CADPS2: variants seen among roughly 807,000 people sequenced by gnomAD.
CADPS2 encodes calcium-dependent secretion activator 2.
A neutral mutation model predicts 172.5 loss-of-function variants in CADPS2; 93 were observed. The observed-to-expected ratio is 0.54, with a 90% confidence interval of 0.46 to 0.64. CADPS2 has a LOEUF of 0.64. Ranked by LOEUF, CADPS2 falls within the 30% of genes least tolerant of loss-of-function variation. The probability of loss-of-function intolerance (pLI) is 0.00; values close to 1 mark genes in which losing one functional copy is unlikely to be tolerated. For missense variants in CADPS2, 1,420 were observed against 1,565.9 expected (o/e 0.91, Z 1.57); for synonymous variants, 546 against 555.2 (o/e 0.98, Z 0.23).
chr7:122,851,171 G>A (rs1361945407), intron 1 of CADPS2, among the ~76,000 whole-genome samples: 1 of 152,198 alleles, frequency 6.6e-6, no homozygotes, highest in Non-Finnish European at 1.5e-5. Context: ...TAGGGAACAG[G>A]AGAAGGCAGG....
chr7:122,513,604 T>C (rs2060151560), intron 8 of CADPS2, among the ~76,000 whole-genome samples: 1 of 152,226 alleles, frequency 6.6e-6, no homozygotes, highest in Non-Finnish European at 1.5e-5. Flanking sequence ...GTAGGAATTT[T>C]ATTCTTACAT....
intron 5 of CADPS2, among the ~76,000 whole-genome samples, chr7:122,618,625 C>T (rs1047536411): frequency 2.0e-5 from 3 of 152,188 alleles, no homozygotes; most frequent in Admixed American, 2.0e-4. Context: ...CACTGGACCA[C>T]TTCTAAGCCT....
At position 122,655,444 on chromosome 7, in the gene CADPS2, A is replaced by G. The variant is rs562569431; in HGVS notation, c.786+7793T>C. 6.6e-5 allele frequency among the ~76,000 whole-genome samples: 10 copies of G among 152,284 alleles called. No individual in the cohort carries two copies. In the South Asian group the frequency reaches 2.1e-3, roughly 32 times the overall value. ...TCAAGGCGAGACCCTCTACCAGCAA[A>G]AAGATTATGACTTGCTGAAGGCTCA... On this transcript the variant is annotated intron_variant, in intron 3 of 29. Transcript: ENST00000449022.
chr7:122,661,545 T>C (rs1266810020), intron 3 of CADPS2, among the ~76,000 whole-genome samples: 1 of 152,142 alleles, frequency 6.6e-6, no homozygotes, highest in East Asian at 1.9e-4. Context: ...AAATAATCCA[T>C]AAGCTTTTCT....
chr7:122,605,900 T>TC (rs2073463068), intron 6 of CADPS2, among the ~76,000 whole-genome samples: 1 of 152,168 alleles, frequency 6.6e-6, no homozygotes, highest in Non-Finnish European at 1.5e-5. Flanking sequence ...GATTTTTTTT[T>TC]CTGTTGTAAG....
chr7:122,510,530 A>G (rs1158768403), intron 9 of CADPS2, among the ~76,000 whole-genome samples: 4 of 152,130 alleles, frequency 2.6e-5, no homozygotes, highest in South Asian at 2.1e-4. Flanking sequence ...CTCTCAATCA[A>G]TTTTTATGAG....
chr7:122,499,273 A>C (rs997554174), intron 9 of CADPS2, among the ~76,000 whole-genome samples: 3 of 152,190 alleles, frequency 2.0e-5, no homozygotes, highest in African/African-American at 7.2e-5. Context: ...TACCCACTTT[A>C]AGAATACCTC....
intron 2 of CADPS2, among the ~76,000 whole-genome samples, chr7:122,684,803 G>C (rs2083449371): frequency 6.6e-6 from 1 of 151,960 alleles, no homozygotes; most frequent in Non-Finnish European, 1.5e-5. Context: ...CAAATCCTAG[G>C]TTTATAAAAC....
intron 8 of CADPS2, among the ~76,000 whole-genome samples, chr7:122,521,190 C>T (rs1050649845): frequency 2.6e-5 from 4 of 152,052 alleles, no homozygotes; most frequent in Admixed American, 6.6e-5. Flanking sequence ...CTGGGCCATT[C>T]GGATAGAGTT....
intron 15 of CADPS2, among the ~76,000 whole-genome samples, chr7:122,449,436 C>T (rs2052752955): frequency 6.6e-6 from 1 of 152,044 alleles, no homozygotes; most frequent in Non-Finnish European, 1.5e-5. Flanking sequence ...CCACATCAGC[C>T]TCTGGAGTAG....
chr7:122,668,255 C>A (rs1384373164), intron 2 of CADPS2, among the ~76,000 whole-genome samples: 1 of 150,612 alleles, frequency 6.6e-6, no homozygotes, highest in Non-Finnish European at 1.5e-5. Flanking sequence ...TTTTTTTTTA[C>A]TGGGGTGTCT....
intron 6 of CADPS2, among the ~76,000 whole-genome samples, chr7:122,601,261 A>G (rs1429781123): frequency 6.6e-6 from 1 of 152,074 alleles, no homozygotes; most frequent in Admixed American, 6.6e-5. Flanking sequence ...TATGATCCAA[A>G]TGCTGCCATC....
chr7:122,614,063 G>A (rs963124428), intron 6 of CADPS2, among the ~76,000 whole-genome samples: 3 of 151,942 alleles, frequency 2.0e-5, no homozygotes, highest in Non-Finnish European at 4.4e-5. Context: ...TAAGAGGGAA[G>A]ATGACTACAA....
intron 1 of CADPS2, among the ~76,000 whole-genome samples, chr7:122,776,657 G>A (rs1227346671): frequency 6.6e-6 from 1 of 152,162 alleles, no homozygotes; most frequent in Non-Finnish European, 1.5e-5. Flanking sequence ...GTGCTCAGAA[G>A]ACAGGAAGAT....
At chr7:122,580,632 G>A (rs1243602943) in intron 7 of CADPS2, among the ~76,000 whole-genome samples, 1 of 152,106 alleles carries the variant, frequency 6.6e-6, no homozygotes, top group Non-Finnish European at 1.5e-5. Flanking sequence ...ACTGGGATTA[G>A]AAGGTAAACA....
At chr7:122,343,108 G>A (rs1474040933) in intron 28 of CADPS2, among the ~76,000 whole-genome samples, 1 of 151,950 alleles carries the variant, frequency 6.6e-6, no homozygotes, top group East Asian at 1.9e-4. Flanking sequence ...GGCTGATTAG[G>A]GGCTTTTAGT....
At chr7:122,559,984 G>A (rs1225464189) in intron 7 of CADPS2, among the ~76,000 whole-genome samples, 2 of 151,906 alleles carry the variant, frequency 1.3e-5, no homozygotes, top group Non-Finnish European at 2.9e-5. Flanking sequence ...GTCACATGGG[G>A]ATCAAGAGGC....
chr7:122,675,527 G>A (rs955945666), intron 2 of CADPS2, among the ~76,000 whole-genome samples: 1 of 152,038 alleles, frequency 6.6e-6, no homozygotes, highest in Non-Finnish European at 1.5e-5. Context: ...ATGGGCATTC[G>A]GGTTGGTTCC....
chr7:122,666,033 A>C (rs997334203), intron 2 of CADPS2, among the ~76,000 whole-genome samples: 3 of 84,414 alleles, frequency 3.6e-5, no homozygotes, highest in Admixed American at 1.1e-4. Context: ...CTCCCTTCTC[A>C]ACCTCATCTA....
Sources: gnomAD v4.1 joint callset for allele counts (sites outside exome capture counted in the v4.1 genomes callset) on GRCh38, gnomAD v4.1.1 for gene constraint, MANE v1.5 for transcripts, NCBI Gene and HGNC (gene_info 2026-07-23, HGNC 2026-07-21) for gene names.